GLB1: variants seen among roughly 807,000 people sequenced by gnomAD.
The protein encoded by GLB1 is beta-galactosidase.
In GLB1, 56 loss-of-function variants were observed where a neutral mutation model predicts 74.0. The observed-to-expected ratio is 0.76, with a 90% CI of 0.61 to 0.94. GLB1 has a LOEUF of 0.94. GLB1 is among the 40% of genes least tolerant of loss of function. The pLI is 0.00. For synonymous variants in GLB1, 323 were observed against 323.6 expected (o/e 1.00, Z 0.02); for missense variants, 787 against 845.5 (o/e 0.93, Z 0.86).
intron 10 of GLB1, chr3:33,034,846 G>C: frequency 1.8e-6 from 1 of 552,090 alleles, no homozygotes; most frequent in Non-Finnish European, 3.6e-6. Flanking sequence ...CCAGCTCCAG[G>C]ACTGACTGAT....
chr3:32,982,220 G>A, the GLB1 span, among the ~76,000 whole-genome samples: 5 of 151,510 alleles, frequency 3.3e-5, no homozygotes, highest in African/African-American at 1.2e-4. Context: ...GGCTGAGGCA[G>A]GAGAATCTCT....
intron 15 of GLB1, 133 bp from the exon 16 acceptor site, chr3:32,997,477 C>T: frequency 7.0e-7 from 1 of 1,430,344 alleles, no homozygotes; most frequent in Non-Finnish European, 9.5e-7. Flanking sequence ...GGCTGACAGC[C>T]AGGCCCATGC....
chr3:33,096,401 C>T, intron 1 of GLB1: 2 of 920,694 alleles, frequency 2.2e-6, no homozygotes, highest in East Asian at 1.2e-4. Flanking sequence ...TGCCTATTCC[C>T]CCCCTCAACC....
At chr3:32,978,552 G>A in the GLB1 span, among the ~76,000 whole-genome samples, 1 of 152,250 alleles carries the variant, frequency 6.6e-6, no homozygotes, top group East Asian at 1.9e-4. Flanking sequence ...TGCAATGGAT[G>A]AACAAACCCA....
chr3:33,056,248 AAAAAAAAAG>A, intron 6 of GLB1, among the ~76,000 whole-genome samples: 1 of 148,094 alleles, frequency 6.8e-6, no homozygotes, highest in African/African-American at 2.5e-5. Context: ...AAAAAAAAAA[AAAAAAAAAG>A]CAACACCAGG....
At chr3:33,017,226 A>C (rs985206371) in intron 13 of GLB1, among the ~76,000 whole-genome samples, 1 of 152,240 alleles carries the variant, frequency 6.6e-6, no homozygotes, top group Middle Eastern at 3.2e-3. Context: ...TGGAGAGATA[A>C]GACAAAATCA....
At chr3:33,032,984 T>C (rs990928578) in intron 10 of GLB1, among the ~76,000 whole-genome samples, 3 of 152,250 alleles carry the variant, frequency 2.0e-5, no homozygotes, top group African/African-American at 4.8e-5. Flanking sequence ...CAGGTTGCTA[T>C]AGGCATTTTG....
chr3:33,087,579 GCACACACACACACACACACACACA>G lies in GLB1; in HGVS notation c.75+9408_75+9431del, dbSNP rs57935919. Reference sequence around the variant, plus strand: ...AGCAAGACCATGTCTCAGCATGCGCGCACACACACACACACACACACACACACACACACACACACACACACACAC... The same window carrying G: ...AGCAAGACCATGTCTCAGCATGCGCGCACACACACACACACACACACACAC... On this transcript the variant is annotated intron_variant, in intron 1 of 15. Transcript: ENST00000307363. Among the ~76,000 whole-genome samples, 4 of 141,908 alleles carry G rather than the reference GCACACACACACACACACACACACA, an allele frequency of 2.8e-5. 1 individual carries two copies. Among genetic ancestry groups the G allele is most frequent in the African/African-American group, 8.0e-5 (3 of 37,726 alleles). 93.1% of individuals were successfully genotyped at this position (141,908 alleles called of 152,430 possible). A position where few individuals can be genotyped will look rare whatever the true frequency, so the allele number is the denominator to read the frequency against.
intron 10 of GLB1, among the ~76,000 whole-genome samples, chr3:33,044,609 A>C (rs1346249946): frequency 6.6e-6 from 1 of 152,112 alleles, no homozygotes; most frequent in Non-Finnish European, 1.5e-5. Context: ...TAACATAAGC[A>C]ACATTTTAAC....
chr3:33,056,557 G>C (rs544310698), intron 6 of GLB1, among the ~76,000 whole-genome samples: 1 of 152,138 alleles, frequency 6.6e-6, no homozygotes, highest in African/African-American at 2.4e-5. Flanking sequence ...AGGACTACAG[G>C]CACTTGCCAC....
chr3:32,982,617 T>C, the GLB1 span, among the ~76,000 whole-genome samples: 2 of 152,194 alleles, frequency 1.3e-5, no homozygotes, highest in Non-Finnish European at 1.5e-5. Flanking sequence ...AATTACAATG[T>C]TATATTGTAA....
the GLB1 span, among the ~76,000 whole-genome samples, chr3:32,970,154 A>G: frequency 2.0e-5 from 3 of 152,122 alleles, no homozygotes; most frequent in Admixed American, 2.0e-4. Context: ...ATAGTTCAGG[A>G]CTTAACTTGA....
intron 10 of GLB1, among the ~76,000 whole-genome samples, chr3:33,043,491 T>C (rs994563331): frequency 6.7e-6 from 1 of 148,466 alleles, no homozygotes; most frequent in Non-Finnish European, 1.5e-5. Context: ...GGGAAAGAAA[T>C]AAGAGGAAAA....
At chr3:33,051,697 C>G in intron 9 of GLB1, 61 bp downstream of exon 9, 1 of 1,612,964 alleles carries the variant, frequency 6.2e-7, no homozygotes, top group Admixed American at 1.7e-5. Flanking sequence ...CACACCCCTC[C>G]TCAAATTAAT....
intron 9 of GLB1, among the ~76,000 whole-genome samples, chr3:33,051,228 C>T (rs112206224): frequency 0.1 from 10,303 of 102,884 alleles, 924 homozygotes; most frequent in East Asian, 0.51. Flanking sequence ...AGCGAGACTG[C>T]GTCTCAAAAA....
intron 10 of GLB1, among the ~76,000 whole-genome samples, chr3:33,042,807 A>T (rs1432438303): frequency 1.3e-5 from 2 of 152,220 alleles, no homozygotes; most frequent in Non-Finnish European, 2.9e-5. Context: ...GAGATATGCC[A>T]CATGGCTCTC....
chr3:32,982,301 G>A, the GLB1 span, among the ~76,000 whole-genome samples: 1,054 of 126,472 alleles, frequency 8.3e-3, 7 homozygotes, highest in African/African-American at 0.03. Flanking sequence ...CAACAAGAGC[G>A]AAACTCCGTC....
At chr3:33,053,459 C>A in intron 7 of GLB1, 32 bp downstream of exon 7, 1 of 1,614,164 alleles carries the variant, frequency 6.2e-7, no homozygotes. Flanking sequence ...CTCTTAACAG[C>A]TGCAAACACA....
At chr3:33,091,322 C>T (rs924925789) in intron 1 of GLB1, 1 of 985,458 alleles carries the variant, frequency 1.0e-6, no homozygotes, top group Admixed American at 6.1e-5. Flanking sequence ...CCACTATACA[C>T]CAGGAGGACA....
Sources: gnomAD v4.1 joint callset for allele counts (sites outside exome capture counted in the v4.1 genomes callset) on GRCh38, gnomAD v4.1.1 for gene constraint, MANE v1.5 for transcripts, NCBI Gene and HGNC (gene_info 2026-07-23, HGNC 2026-07-21) for gene names.